Variants in PARD3B observed in about 807,000 individuals in gnomAD.
The protein encoded by PARD3B is partitioning defective 3 homolog B.
Under a neutral mutation model 130.2 loss-of-function variants are expected in PARD3B, and 103 were observed. The observed-to-expected ratio is 0.79, with a 90% confidence interval of 0.67 to 0.93. The LOEUF (loss-of-function observed/expected upper bound fraction) is 0.93, where lower values mean the gene tolerates loss of function less well. PARD3B is among the 40% of genes least tolerant of loss of function. The pLI is 0.00. For missense variants in PARD3B, 1,609 were observed against 1,499.2 expected (o/e 1.07, Z -1.21); for synonymous variants, 583 against 553.2 (o/e 1.05, Z -0.76).
At chr2:204,996,682 C>T (rs879836099) in intron 3 of PARD3B, among the ~76,000 whole-genome samples, 154 of 149,768 alleles carry the variant, frequency 1.0e-3, no homozygotes, top group Non-Finnish European at 1.7e-3. Context: ...CCCCCAGCCT[C>T]GTTGCCGCCT....
chr2:205,369,222 A>G (rs913557982), intron 18 of PARD3B, among the ~76,000 whole-genome samples: 1 of 152,226 alleles, frequency 6.6e-6, no homozygotes, highest in East Asian at 1.9e-4. Context: ...GAAATTTATC[A>G]TGGACAAATT....
At chr2:204,798,407 C>A (rs373181491) in intron 2 of PARD3B, among the ~76,000 whole-genome samples, 15 of 152,298 alleles carry the variant, frequency 9.8e-5, no homozygotes, top group African/African-American at 3.4e-4. Context: ...CCAGCCCCCC[C>A]ACAGCAGGCT....
At chr2:205,036,217 ATATG>A (rs1031682713) in intron 3 of PARD3B, among the ~76,000 whole-genome samples, 2 of 143,770 alleles carry the variant, frequency 1.4e-5, no homozygotes, top group African/African-American at 5.1e-5. Flanking sequence ...TATATATAAA[ATATG>A]TATATAGTGG....
chr2:204,844,283 A>T (rs374066857), intron 2 of PARD3B, among the ~76,000 whole-genome samples: 96 of 152,284 alleles, frequency 6.3e-4, no homozygotes, highest in Middle Eastern at 6.8e-3. Context: ...GAGAGTAAAT[A>T]ATTTTAGTAC....
intron 22 of PARD3B, among the ~76,000 whole-genome samples, chr2:205,603,200 G>A (rs1312180275): frequency 6.6e-6 from 1 of 152,038 alleles, no homozygotes; most frequent in South Asian, 2.1e-4. Flanking sequence ...TGAGTTCTAA[G>A]TTGGTTGTGC....
intron 15 of PARD3B, among the ~76,000 whole-genome samples, chr2:205,219,567 AT>A (rs1559554686): frequency 6.8e-6 from 1 of 148,046 alleles, no homozygotes; most frequent in African/African-American, 2.5e-5. Flanking sequence ...CAGAAGAGAA[AT>A]TTTTTGATAG....
intron 2 of PARD3B, among the ~76,000 whole-genome samples, chr2:204,877,404 T>A (rs1030918753): frequency 1.3e-5 from 2 of 151,708 alleles, no homozygotes; most frequent in Non-Finnish European, 2.9e-5. Flanking sequence ...AATAAAAAAA[T>A]TAAAAAAAAG....
intron 1 of PARD3B, among the ~76,000 whole-genome samples, chr2:204,563,261 C>CTT (rs1384186386): frequency 7.0e-6 from 1 of 142,868 alleles, no homozygotes; most frequent in East Asian, 2.0e-4. Flanking sequence ...CTCTCTCTCT[C>CTT]TCTCTTTCTC....
chr2:204,698,799 A>C (rs954428364), intron 2 of PARD3B, among the ~76,000 whole-genome samples: 1 of 152,072 alleles, frequency 6.6e-6, no homozygotes, highest in African/African-American at 2.4e-5. Flanking sequence ...ATTTCTTTAA[A>C]ATTGTAGCGT....
chr2:205,157,625 T>C (rs1023726857), intron 10 of PARD3B, among the ~76,000 whole-genome samples: 3 of 152,184 alleles, frequency 2.0e-5, no homozygotes, highest in African/African-American at 7.2e-5. Flanking sequence ...ACATTCATAG[T>C]AATTTTTTAA....
chr2:204,630,014 A>G (rs111498878), intron 1 of PARD3B, among the ~76,000 whole-genome samples: 1,733 of 152,302 alleles, frequency 0.011, 34 homozygotes, highest in African/African-American at 0.039. Context: ...ATGTGCTCCT[A>G]TACTCTCTGT....
chr2:204,570,387 G>A (rs2031924030), intron 1 of PARD3B, among the ~76,000 whole-genome samples: 1 of 152,150 alleles, frequency 6.6e-6, no homozygotes, highest in African/African-American at 2.4e-5. Context: ...CAAATAGGCT[G>A]CTTTGTGCCG....
chr2:205,123,249 T>C (rs2030972320), intron 8 of PARD3B, among the ~76,000 whole-genome samples: 1 of 152,202 alleles, frequency 6.6e-6, no homozygotes, highest in African/African-American at 2.4e-5. Context: ...TTACAGTGAT[T>C]CCTGAGGTTT....
intron 4 of PARD3B, among the ~76,000 whole-genome samples, chr2:205,076,278 T>G (rs999018346): frequency 1.3e-5 from 2 of 152,204 alleles, no homozygotes; most frequent in Non-Finnish European, 2.9e-5. Flanking sequence ...CACCAATGCT[T>G]CAAACAATCC....
In PARD3B at chr2:205,301,934, T is replaced by C; in HGVS notation, c.2630+233T>C. The C allele has an allele frequency of 1.4e-6, 1 of 725,542 alleles. No homozygotes were observed. The highest frequency in any genetic ancestry group is 2.5e-6 in the Non-Finnish European group (1 of 403,218). 44.9% of individuals were successfully genotyped at this position (725,542 alleles called of 1,614,324 possible). On this transcript the variant is annotated intron_variant, in intron 18 of 22. Transcript: ENST00000406610. This position sits in a 1 kb window ranked among gnomAD's most constrained non-coding sequence, Gnocchi z 5.2. ...TTTGTTGTCAAAGAAAGGTCAACAC[T>C]ATGCCAGGCACGGTGGCTCATGCCT... is the stretch of plus-strand genomic sequence containing the variant.
intron 22 of PARD3B, among the ~76,000 whole-genome samples, chr2:205,586,754 T>C (rs1259069823): frequency 6.6e-6 from 1 of 152,210 alleles, no homozygotes; most frequent in Non-Finnish European, 1.5e-5. Flanking sequence ...TTTGATGCCC[T>C]GTTATTGGAG....
chr2:205,203,003 G>T (rs113497549), intron 15 of PARD3B, among the ~76,000 whole-genome samples: 2,969 of 152,198 alleles, frequency 0.02, 75 homozygotes, highest in African/African-American at 0.052. Context: ...AATGTTGCCA[G>T]GCAGTTTTTC....
intron 1 of PARD3B, among the ~76,000 whole-genome samples, chr2:204,575,199 A>T (rs2125073075): frequency 6.6e-6 from 1 of 152,318 alleles, no homozygotes; most frequent in East Asian, 1.9e-4. Flanking sequence ...AACATGCATA[A>T]TTTCTAAATT....
At chr2:205,510,099 A>G (rs939766428) in intron 21 of PARD3B, among the ~76,000 whole-genome samples, 2 of 152,206 alleles carry the variant, frequency 1.3e-5, no homozygotes, top group Admixed American at 1.3e-4. Flanking sequence ...CTGAGTTCAC[A>G]TCCAGGCTGT....
Sources: allele counts gnomAD v4.1 joint callset (sites outside exome capture counted in the v4.1 genomes callset), GRCh38; gene constraint gnomAD v4.1.1; non-coding constraint Gnocchi (gnomAD v3.1); transcripts MANE v1.5; gene names NCBI Gene and HGNC (gene_info 2026-07-23, HGNC 2026-07-21).